UBTD2: variants seen among roughly 807,000 people sequenced by gnomAD.
UBTD2 encodes ubiquitin domain containing 2, also known as ubiquitin domain-containing protein 2.
A neutral mutation model predicts 19.8 loss-of-function variants in UBTD2; 9 were observed. The ratio of observed to expected loss-of-function variants is 0.46; its 90% CI spans 0.27 to 0.79. The LOEUF (loss-of-function observed/expected upper bound fraction) is 0.79. Among genes scored for constraint, UBTD2 ranks in the 30% least tolerant of loss-of-function variants. The probability of loss-of-function intolerance (pLI) is 0.14; values close to 1 mark genes in which losing one functional copy is unlikely to be tolerated. For synonymous variants in UBTD2, 98 were observed against 103.9 expected (o/e 0.94, Z 0.35); for missense variants, 250 against 300.4 (o/e 0.83, Z 1.24).
chr5:172,249,720 G>C (rs967090712), intron 1 of UBTD2, among the ~76,000 whole-genome samples: 2 of 152,056 alleles, frequency 1.3e-5, no homozygotes, highest in African/African-American at 4.8e-5. Flanking sequence ...AAATCTAAAT[G>C]CATAAAGATT....
chr5:172,281,959 A>G (rs895311254), intron 1 of UBTD2, among the ~76,000 whole-genome samples: 3 of 152,210 alleles, frequency 2.0e-5, no homozygotes, highest in Non-Finnish European at 4.4e-5. Context: ...AAATTACCCA[A>G]AGCTAAGATT....
chr5:172,262,446 CAAAAAAAAAA>C (rs1191776236), intron 1 of UBTD2, among the ~76,000 whole-genome samples: 19 of 48,892 alleles, frequency 3.9e-4, no homozygotes, highest in Non-Finnish European at 5.0e-4. Context: ...ACAGATCCAC[CAAAAAAAAAA>C]AAAAAAAAAA....
intron 1 of UBTD2, among the ~76,000 whole-genome samples, chr5:172,275,040 A>G (rs528329025): frequency 3.9e-5 from 6 of 152,314 alleles, no homozygotes; most frequent in African/African-American, 1.4e-4. Flanking sequence ...CGTCTCAAAA[A>G]CAAAGAACTG....
At chr5:172,244,295 G>GTTTT (rs1191361417) in intron 1 of UBTD2, among the ~76,000 whole-genome samples, 1 of 126,064 alleles carries the variant, frequency 7.9e-6, no homozygotes, top group Non-Finnish European at 1.6e-5. Context: ...TTTCCTCCCA[G>GTTTT]TTTTTTTTTT....
chr5:172,282,689 A>G (rs1257774870), intron 1 of UBTD2, among the ~76,000 whole-genome samples: 1 of 152,248 alleles, frequency 6.6e-6, no homozygotes, highest in Non-Finnish European at 1.5e-5. Context: ...TACAGAATGG[A>G]CGTAACCAAA....
At chr5:172,257,515 T>C (rs1581228335) in intron 1 of UBTD2, among the ~76,000 whole-genome samples, 1 of 152,242 alleles carries the variant, frequency 6.6e-6, no homozygotes, top group East Asian at 1.9e-4. Context: ...ATGGGATTCC[T>C]GGGTCGAATG....
At chr5:172,248,571 G>C (rs1754929279) in intron 1 of UBTD2, among the ~76,000 whole-genome samples, 2 of 151,478 alleles carry the variant, frequency 1.3e-5, no homozygotes, top group Non-Finnish European at 2.9e-5. Context: ...CTGGGCGACA[G>C]AGCGAGACTC....
At chr5:172,230,845 G>A (rs1024764697) in intron 2 of UBTD2, among the ~76,000 whole-genome samples, 1 of 149,506 alleles carries the variant, frequency 6.7e-6, no homozygotes, top group Non-Finnish European at 1.5e-5. Context: ...GTGCAGTGAC[G>A]CGATCTTGGC....
At chr5:172,277,478 G>A (rs1158086330) in intron 1 of UBTD2, among the ~76,000 whole-genome samples, 1 of 152,054 alleles carries the variant, frequency 6.6e-6, no homozygotes, top group South Asian at 2.1e-4. Flanking sequence ...AGGTCAAGGA[G>A]GGAGGATCAC....
intron 1 of UBTD2, among the ~76,000 whole-genome samples, chr5:172,266,820 T>C (rs1755388677): frequency 6.6e-6 from 1 of 152,114 alleles, no homozygotes; most frequent in Non-Finnish European, 1.5e-5. Flanking sequence ...GGCAGATCAC[T>C]TGAAGCCAGG....
intron 1 of UBTD2, among the ~76,000 whole-genome samples, chr5:172,238,301 GAA>G (rs1484614137): frequency 6.6e-6 from 1 of 152,102 alleles, no homozygotes; most frequent in African/African-American, 2.4e-5. Context: ...TTAAAGACAG[GAA>G]ACATCTTTTA....
At chr5:172,281,452 T>C (rs1025152394) in intron 1 of UBTD2, among the ~76,000 whole-genome samples, 7 of 152,130 alleles carry the variant, frequency 4.6e-5, no homozygotes, top group African/African-American at 1.7e-4. Flanking sequence ...TGAGCTGTGA[T>C]CTGGCACTGC....
At chr5:172,234,712 G>A (rs1404271248) in intron 1 of UBTD2, among the ~76,000 whole-genome samples, 1 of 152,044 alleles carries the variant, frequency 6.6e-6, no homozygotes, top group Non-Finnish European at 1.5e-5. Flanking sequence ...TTCGAGACTA[G>A]CCTGGGCAAC....
chr5:172,263,478 T>C (rs144620664), intron 1 of UBTD2, among the ~76,000 whole-genome samples: 6 of 152,214 alleles, frequency 3.9e-5, no homozygotes, highest in Admixed American at 3.9e-4. Context: ...TTAAATTGTA[T>C]GTTATATAAA....
At chr5:172,235,581 C>A (rs1348985462) in intron 1 of UBTD2, among the ~76,000 whole-genome samples, 1 of 152,146 alleles carries the variant, frequency 6.6e-6, no homozygotes, top group Non-Finnish European at 1.5e-5. Context: ...CTAGTTTCAA[C>A]CCAAGAGAAG....
chr5:172,212,440 C>T lies in UBTD2; in HGVS notation c.308-213G>A, dbSNP rs17074453. On this transcript the variant is annotated intron_variant, in intron 2 of 2. Transcript: ENST00000393792. ...AGAATGCTAGGTCCTTACGCTTATG[C>T]TCTTCTAAGTTATTTCATATCCTTT... is the stretch of plus-strand genomic sequence containing the variant. Among the ~76,000 whole-genome samples the T allele has an allele frequency of 5.4e-3, 825 of 152,290 alleles. 5 individuals are homozygous for T. Among genetic ancestry groups the T allele is most frequent in the African/African-American group, 0.019 (800 of 41,558 alleles).
chr5:172,265,397 C>A (rs1450379310), intron 1 of UBTD2, among the ~76,000 whole-genome samples: 2 of 151,982 alleles, frequency 1.3e-5, no homozygotes, highest in African/African-American at 4.8e-5. Context: ...TGCAGTGGCA[C>A]GATCTTGGCT....
At chr5:172,213,558 T>TA (rs370098300) in intron 2 of UBTD2, among the ~76,000 whole-genome samples, 1 of 152,284 alleles carries the variant, frequency 6.6e-6, no homozygotes, top group East Asian at 1.9e-4. Context: ...CTCAAGGTTT[T>TA]AAAAAAATGC....
At chr5:172,256,692 G>C (rs961998796) in intron 1 of UBTD2, among the ~76,000 whole-genome samples, 1 of 151,892 alleles carries the variant, frequency 6.6e-6, no homozygotes, top group South Asian at 2.1e-4. Context: ...AGGCCAAGGC[G>C]GGCAGATCAC....
Sources: allele counts gnomAD v4.1 joint callset (sites outside exome capture counted in the v4.1 genomes callset), GRCh38; gene constraint gnomAD v4.1.1; transcripts MANE v1.5; gene names NCBI Gene and HGNC (gene_info 2026-07-23, HGNC 2026-07-21).